Variants in RGS6 observed in about 807,000 individuals in gnomAD.
RGS6 encodes the protein regulator of G protein signaling 6, also known as regulator of G-protein signaling 6.
In RGS6, 30 loss-of-function variants were observed where a neutral mutation model predicts 78.5. The ratio of observed to expected loss-of-function variants is 0.38; its 90% CI spans 0.29 to 0.52. RGS6 has a LOEUF of 0.52. RGS6 is among the 20% of genes least tolerant of loss of function. RGS6 has a pLI of 0.85. For missense variants in RGS6, 495 were observed against 609.7 expected, an observed-to-expected ratio of 0.81 and a Z score of 1.98; for synonymous variants, 206 against 206.0, an observed-to-expected ratio of 1.00 and a Z score of 0.00.
chr14:72,041,781 GGTAAGTCT>G (rs2092422437), intron 2 of RGS6, among the ~76,000 whole-genome samples: 1 of 152,120 alleles, frequency 6.6e-6, no homozygotes, highest in African/African-American at 2.4e-5. Context: ...ATATATTGTT[GGTAAGTCT>G]GTGGGGGGTG....
At chr14:72,250,025 G>A (rs1184425961) in intron 2 of RGS6, among the ~76,000 whole-genome samples, 1 of 145,292 alleles carries the variant, frequency 6.9e-6, no homozygotes, top group East Asian at 2.0e-4. Flanking sequence ...TCACTCATAG[G>A]TGGGAATTGA....
intron 2 of RGS6, among the ~76,000 whole-genome samples, chr14:72,195,036 C>T (rs745454847): frequency 2.2e-4 from 34 of 152,006 alleles, no homozygotes; most frequent in African/African-American, 2.4e-4. Flanking sequence ...AGCGAAACCC[C>T]GTGTCTGCTA....
At chr14:72,251,162 C>T (rs535000311) in intron 2 of RGS6, among the ~76,000 whole-genome samples, 54 of 152,190 alleles carry the variant, frequency 3.5e-4, no homozygotes, top group African/African-American at 1.3e-3. Flanking sequence ...ATTTATGGGA[C>T]GGTAAGGGGC....
At chr14:71,962,281 G>C (rs1042582614) in intron 1 of RGS6, among the ~76,000 whole-genome samples, 3 of 146,624 alleles carry the variant, frequency 2.0e-5, no homozygotes, top group Admixed American at 6.7e-5. Flanking sequence ...GTTGGTGGGA[G>C]GGGGTGGCTG....
intron 3 of RGS6, among the ~76,000 whole-genome samples, chr14:72,424,596 A>T (rs1267877252): frequency 2.0e-5 from 3 of 152,224 alleles, no homozygotes; most frequent in African/African-American, 7.2e-5. Context: ...TATCTGTATT[A>T]ACTTCCTAAT....
chr14:72,105,943 A>T, intron 2 of RGS6, among the ~76,000 whole-genome samples: 1 of 152,210 alleles, frequency 6.6e-6, no homozygotes, highest in East Asian at 1.9e-4. Context: ...GCCTGACCTT[A>T]TCAATAAACC....
chr14:72,061,621 A>G lies in RGS6; in HGVS notation c.84+96746A>G, dbSNP rs113766074. ...CAGATCACAATTGATCAAAACACCT[A>G]TGCAAGGAATTAAACTTGCTACAAA... is the stretch of plus-strand genomic sequence containing the variant. On this transcript the variant is annotated intron_variant, in intron 2 of 17. Transcript: ENST00000553525. Among the ~76,000 whole-genome samples the G allele has an allele frequency of 2.4e-3, 372 of 152,164 alleles. 1 individual carries two copies. The highest frequency in any genetic ancestry group is 7.4e-3 in the African/African-American group (309 of 41,502).
chr14:72,478,205 T>A, intron 11 of RGS6, 63 bp from the exon 12 acceptor site: 1 of 1,252,314 alleles, frequency 8.0e-7, no homozygotes, highest in Non-Finnish European at 1.2e-6. Flanking sequence ...TTTGGGTTTG[T>A]GGAGCGAGGG....
chr14:72,507,845 G>T (rs545552409), intron 13 of RGS6, among the ~76,000 whole-genome samples: 1 of 152,350 alleles, frequency 6.6e-6, no homozygotes, highest in South Asian at 2.1e-4. Flanking sequence ...CTGGTAAAGA[G>T]TAAATGGTTG....
At chr14:71,994,286 A>G (rs1342086471) in intron 2 of RGS6, among the ~76,000 whole-genome samples, 4 of 151,798 alleles carry the variant, frequency 2.6e-5, no homozygotes, top group South Asian at 2.1e-4. Context: ...AGAATTTTTT[A>G]TTTTTACAGA....
chr14:72,260,967 C>G (rs563841714), intron 2 of RGS6, among the ~76,000 whole-genome samples: 3 of 152,178 alleles, frequency 2.0e-5, no homozygotes, highest in African/African-American at 7.2e-5. Context: ...TTGCTGGTTC[C>G]TTGTCCAGAG....
At chr14:72,386,695 C>T (rs1444567672) in intron 3 of RGS6, among the ~76,000 whole-genome samples, 1 of 152,112 alleles carries the variant, frequency 6.6e-6, no homozygotes, top group Non-Finnish European at 1.5e-5. Flanking sequence ...ATCCCTATCC[C>T]GTGCTCCACT....
chr14:71,919,623 A>T, the RGS6 span, among the ~76,000 whole-genome samples: 5 of 152,144 alleles, frequency 3.3e-5, no homozygotes, highest in African/African-American at 1.2e-4. Context: ...GGGGTGGGAG[A>T]AGGTTAATAT....
At chr14:72,340,423 G>C (rs568737230) in intron 2 of RGS6, among the ~76,000 whole-genome samples, 4 of 152,158 alleles carry the variant, frequency 2.6e-5, no homozygotes, top group African/African-American at 9.6e-5. Flanking sequence ...CCCCAAATGC[G>C]TAGAATCACA....
chr14:72,605,414 C>T, the RGS6 span, among the ~76,000 whole-genome samples: 1 of 152,228 alleles, frequency 6.6e-6, no homozygotes, highest in African/African-American at 2.4e-5. Flanking sequence ...CCGGAGAACA[C>T]TTTAATGAGG....
intron 2 of RGS6, among the ~76,000 whole-genome samples, chr14:72,166,159 A>G (rs150129298): frequency 1.3e-5 from 2 of 150,396 alleles, no homozygotes; most frequent in African/African-American, 4.9e-5. Context: ...GTTATTCCTT[A>G]CTGGTTTTTA....
intron 2 of RGS6, among the ~76,000 whole-genome samples, chr14:72,345,318 A>G (rs1219286269): frequency 1.3e-5 from 2 of 152,208 alleles, no homozygotes; most frequent in African/African-American, 4.8e-5. Flanking sequence ...GGAAAATATC[A>G]GCCCCCATCT....
At chr14:71,998,868 A>G (rs1385498692) in intron 2 of RGS6, among the ~76,000 whole-genome samples, 1 of 152,178 alleles carries the variant, frequency 6.6e-6, no homozygotes, top group African/African-American at 2.4e-5. Flanking sequence ...CAGCCTTGCC[A>G]TTGAAGTGTG....
the RGS6 span, among the ~76,000 whole-genome samples, chr14:71,876,681 G>A: frequency 4.6e-5 from 7 of 151,456 alleles, no homozygotes; most frequent in Non-Finnish European, 8.8e-5. Flanking sequence ...TTACATTTAA[G>A]GTTAATATTG....
Sources: allele counts gnomAD v4.1 joint callset (sites outside exome capture counted in the v4.1 genomes callset), GRCh38; gene constraint gnomAD v4.1.1; transcripts MANE v1.5; gene names NCBI Gene and HGNC (gene_info 2026-07-23, HGNC 2026-07-21).